The following MFSD8 variants were observed in gnomAD, a reference collection of about 807,000 sequenced individuals.
MFSD8 encodes major facilitator superfamily domain-containing protein 8.
Under a neutral mutation model 66.4 loss-of-function variants are expected in MFSD8, and 55 were observed. The observed-to-expected ratio is 0.83, with a 90% CI of 0.67 to 1.04. MFSD8 has a LOEUF of 1.04. Ranked by LOEUF, MFSD8 falls within the 50% of genes least tolerant of loss-of-function variation. The pLI is 0.00. For synonymous variants in MFSD8, 202 were observed against 212.8 expected (o/e 0.95, Z 0.44); for missense variants, 550 against 627.6 (o/e 0.88, Z 1.32).
rs376389157 is a variant in MFSD8, at chr4:127,952,328, C to T, written c.155-2481G>A. 1.1e-4 allele frequency among the ~76,000 whole-genome samples: 16 copies of T among 151,926 alleles called. No homozygotes were observed. The East Asian group carries it at 1.8e-3, about 17-fold the overall frequency. On this transcript the variant is annotated intron_variant, in intron 2 of 11. Coordinates refer to ENST00000641686, the MANE Select transcript of MFSD8 (RefSeq NM_001371596.2). The stretch of plus-strand genomic sequence containing the variant: ...TTGAGGCAGGAGAATGGCGAGAACC[C>T]GGGAGGCGAAGCTTGCAGTGAGCAG...
At position 127,961,406 on chromosome 4, in the gene MFSD8, T is replaced by C. The variant is rs184915781; in HGVS notation, c.62+3666A>G. Among the ~76,000 whole-genome samples, 42 of 152,106 alleles carry C rather than the reference T, an allele frequency of 2.8e-4. No homozygotes were observed. The East Asian group carries it at 7.1e-3, about 26-fold the overall frequency. ...TTTGATGAAATCAAAGCTAAGAGTA[T>C]GAAAAAAAATTCTCTTTTGTACAAG... is the stretch of plus-strand genomic sequence containing the variant. On this transcript the variant is annotated intron_variant, in intron 1 of 11. Coordinates refer to ENST00000641686, the MANE Select transcript of MFSD8 (RefSeq NM_001371596.2).
At chr4:127,925,916 A>G (rs999836782) in intron 9 of MFSD8, among the ~76,000 whole-genome samples, 1 of 152,182 alleles carries the variant, frequency 6.6e-6, no homozygotes, top group Non-Finnish European at 1.5e-5. Flanking sequence ...GCCATAAAAA[A>G]GGATGAGTTC....
At chr4:127,959,854 G>A (rs938793804) in intron 1 of MFSD8, among the ~76,000 whole-genome samples, 2 of 152,154 alleles carry the variant, frequency 1.3e-5, no homozygotes, top group Non-Finnish European at 2.9e-5. Flanking sequence ...ATAGGAGAAT[G>A]CAACTGTCCT....
intron 7 of MFSD8, among the ~76,000 whole-genome samples, chr4:127,935,996 G>A (rs1023436708): frequency 6.6e-6 from 1 of 152,040 alleles, no homozygotes; most frequent in African/African-American, 2.4e-5. Flanking sequence ...TAAATATACA[G>A]GAGACCCAGT....
chr4:127,964,928 G>T, intron 1 of MFSD8, 144 bp downstream of exon 1: 1 of 951,006 alleles, frequency 1.1e-6, no homozygotes, highest in Non-Finnish European at 1.6e-6. Context: ...GAATCTCCTC[G>T]GCTCACACAA....
At position 127,938,433 on chromosome 4, in the gene MFSD8, A is replaced by G. The variant is rs557485891; in HGVS notation, c.754+350T>C. 1.8e-3 allele frequency among the ~76,000 whole-genome samples: 280 copies of G among 152,092 alleles called. 3 individuals carry two copies. The highest frequency in any genetic ancestry group is 6.6e-3 in the African/African-American group (276 of 41,516). On this transcript the variant is annotated intron_variant, in intron 7 of 11. Coordinates refer to ENST00000641686, the MANE Select transcript of MFSD8 (RefSeq NM_001371596.2). ...CCCATCTCTACTAAAAATACAAAAAATTAGCCAGGCGTGGCGGCATGCGCC... is the reference window on the plus strand; with the variant it reads ...CCCATCTCTACTAAAAATACAAAAAGTTAGCCAGGCGTGGCGGCATGCGCC...
intron 4 of MFSD8, among the ~76,000 whole-genome samples, chr4:127,942,741 A>G (rs1362108960): frequency 2.0e-5 from 3 of 152,158 alleles, no homozygotes; most frequent in Admixed American, 6.6e-5. Context: ...ATTGATTACT[A>G]CAACTGTTTT....
intron 1 of MFSD8, among the ~76,000 whole-genome samples, chr4:127,962,859 AG>A (rs1744029223): frequency 6.6e-6 from 1 of 152,224 alleles, no homozygotes; most frequent in African/African-American, 2.4e-5. Context: ...TAGTAAATCG[AG>A]GACCAGAGAA....
chr4:127,944,193 G>T (rs1353461159), intron 3 of MFSD8, among the ~76,000 whole-genome samples: 1 of 152,138 alleles, frequency 6.6e-6, no homozygotes, highest in Non-Finnish European at 1.5e-5. Context: ...CTGTACACAA[G>T]GGAAAAATGC....
In MFSD8 at chr4:127,957,519, T is replaced by C. The variant is rs1427310721; in HGVS notation, c.136A>G (p.Met46Val). 3.7e-6 allele frequency: 6 copies of C among 1,607,920 alleles called. No homozygotes were observed. The highest frequency in any genetic ancestry group is 1.1e-5 in the South Asian group (1 of 90,852). ...TACTTACCTACACTGCTGAGAAACA[T>C]AGTAAGATATAAAATCCTAATAGAT... ...WRSIRILYLTMFLSSVGFSVV... is the reference protein window; with the variant it reads ...WRSIRILYLTVFLSSVGFSVV... The change falls in exon 2 of 12, where the codon ATG (methionine) becomes GTG (valine). Residue 46 changes from methionine (M) to valine (V), a missense_variant. By Grantham distance (21) the Met-to-Val change is conservative. Coordinates refer to ENST00000641686, the MANE Select transcript of MFSD8 (RefSeq NM_001371596.2).
At chr4:127,957,208 C>A (rs1360024429) in intron 2 of MFSD8, among the ~76,000 whole-genome samples, 1 of 151,990 alleles carries the variant, frequency 6.6e-6, no homozygotes, top group Non-Finnish European at 1.5e-5. Flanking sequence ...CTAGAATAGT[C>A]AAATTCCAAG....
chr4:127,935,535 C>T (rs1490285709), intron 7 of MFSD8, among the ~76,000 whole-genome samples: 1 of 152,076 alleles, frequency 6.6e-6, no homozygotes, highest in Non-Finnish European at 1.5e-5. Context: ...TAAATTAAAA[C>T]AATTATGGAA....
At chr4:127,923,252 C>G (rs952991660) in intron 9 of MFSD8, among the ~76,000 whole-genome samples, 1 of 152,114 alleles carries the variant, frequency 6.6e-6, no homozygotes, top group Non-Finnish European at 1.5e-5. Flanking sequence ...CAGTATGATA[C>G]TGGCTGTGGG....
intron 9 of MFSD8, among the ~76,000 whole-genome samples, chr4:127,929,060 G>T (rs554654072): frequency 2.0e-5 from 3 of 151,958 alleles, no homozygotes; most frequent in Non-Finnish European, 4.4e-5. Flanking sequence ...GGTGGTTCAC[G>T]CCTGTAATCC....
intron 9 of MFSD8, among the ~76,000 whole-genome samples, chr4:127,927,579 A>G (rs1172549036): frequency 6.6e-6 from 1 of 152,264 alleles, no homozygotes; most frequent in Non-Finnish European, 1.5e-5. Context: ...ATACTTAAAT[A>G]GAACTGTCTA....
intron 7 of MFSD8, 57 bp from the exon 8 acceptor site, chr4:127,933,150 A>G: frequency 7.2e-7 from 1 of 1,386,738 alleles, no homozygotes; most frequent in Admixed American, 1.8e-5. Flanking sequence ...TTCTTATGAC[A>G]TTAAAGTAAT....
chr4:127,959,298 G>C (rs140893672), intron 1 of MFSD8, among the ~76,000 whole-genome samples: 28 of 152,238 alleles, frequency 1.8e-4, no homozygotes, highest in African/African-American at 6.5e-4. Context: ...GAAAGAGATA[G>C]GTCAAAGGAT....
At chr4:127,929,598 A>T (rs911938380) in intron 9 of MFSD8, among the ~76,000 whole-genome samples, 1 of 145,804 alleles carries the variant, frequency 6.9e-6, no homozygotes, top group Non-Finnish European at 1.5e-5. Flanking sequence ...TTACAAAAAG[A>T]AAAAAAAAAA....
chr4:127,931,124 TC>T (rs1738052295), intron 8 of MFSD8, among the ~76,000 whole-genome samples: 1 of 152,168 alleles, frequency 6.6e-6, no homozygotes, highest in African/African-American at 2.4e-5. Flanking sequence ...ATAATGCCTA[TC>T]ATTCTAACAT....
Sources: gnomAD v4.1 joint callset for allele counts (sites outside exome capture counted in the v4.1 genomes callset) on GRCh38, gnomAD v4.1.1 for gene constraint, MANE v1.5 for transcripts, NCBI Gene and HGNC (gene_info 2026-07-23, HGNC 2026-07-21) for gene names.